Variants in SLC12A7 observed in about 807,000 individuals in gnomAD.
SLC12A7 encodes solute carrier family 12 member 7, also known as K-Cl cotransporter 4.
Under a neutral mutation model 120.6 loss-of-function variants are expected in SLC12A7, and 100 were observed. The ratio of observed to expected loss-of-function variants is 0.83; its 90% CI spans 0.71 to 0.98. The LOEUF (loss-of-function observed/expected upper bound fraction) is 0.98. Ranked by LOEUF, SLC12A7 falls within the 50% of genes least tolerant of loss-of-function variation. SLC12A7 has a pLI of 0.00. For missense variants in SLC12A7, 1,373 were observed against 1,548.1 expected, an observed-to-expected ratio of 0.89 and a Z score of 1.90; for synonymous variants, 760 against 678.0, an observed-to-expected ratio of 1.12 and a Z score of -1.88.
Position 1,094,067 on chromosome 5 carries a change from C to G in SLC12A7, c.219+87G>C, listed in dbSNP as rs56227068. 6.4e-3 allele frequency: 6,647 copies of G among 1,041,444 alleles called. 136 individuals are homozygous for G. Among genetic ancestry groups the G allele is most frequent in the South Asian group, 0.048 (3,656 of 76,058 alleles). 64.5% of individuals were successfully genotyped at this position (1,041,444 alleles called of 1,614,324 possible). On this transcript the variant is annotated intron_variant, in intron 2 of 23. Transcript: ENST00000264930. The stretch of plus-strand genomic sequence containing the variant: ...GTGGTGTCCAGTCCTGTGGGAGGCC[C>G]CGGCCTGGGGGCCCCCAGGGGCTCC...
At position 1,085,414 on chromosome 5, in the gene SLC12A7, G is replaced by A. The variant is rs200603060; in HGVS notation, c.735C>T (p.Ala245=). Residue 245 remains alanine (A), a synonymous_variant, in exon 7 of 24, where the codon GCC becomes GCT. Coordinates refer to ENST00000264930, the MANE Select transcript of SLC12A7 (RefSeq NM_006598.3). ...FQAEAAGGEA[A]AMLHNMRVYG... ...ACACACGCATGTTGTGCAGCATGGC[G>A]GCCGCCTCGCCACCTGCAGCCTCCG... The A allele has an allele frequency of 9.0e-4, 1,444 of 1,609,844 alleles. 1 individual carries two copies. The highest frequency in any genetic ancestry group is 1.0e-3 in the Non-Finnish European group (1,220 of 1,178,810).
chr5:1,074,815 GC>G, intron 15 of SLC12A7, 144 bp from the exon 16 acceptor site: 1 of 703,266 alleles, frequency 1.4e-6, no homozygotes, highest in Non-Finnish European at 2.4e-6. Context: ...AGGCCTCCAT[GC>G]CCACCCTTGC....
At chr5:1,129,919 C>A in the SLC12A7 span, among the ~76,000 whole-genome samples, 1 of 152,164 alleles carries the variant, frequency 6.6e-6, no homozygotes, top group African/African-American at 2.4e-5. Context: ...GAAGCCATCA[C>A]CTGACTCCCA....
chr5:1,133,441 G>C, the SLC12A7 span, among the ~76,000 whole-genome samples: 1 of 152,196 alleles, frequency 6.6e-6, no homozygotes, highest in Non-Finnish European at 1.5e-5. Flanking sequence ...GCTGGTCCTG[G>C]GGGAGAGGGC....
chr5:1,143,539 C>T, the SLC12A7 span, among the ~76,000 whole-genome samples: 1 of 152,236 alleles, frequency 6.6e-6, no homozygotes, highest in East Asian at 1.9e-4. Context: ...TTAAGTCCCT[C>T]CCTCAAGGTC....
intron 23 of SLC12A7, 98 bp from the exon 24 acceptor site, chr5:1,052,549 G>C (rs1042123510): frequency 2.8e-6 from 3 of 1,062,918 alleles, no homozygotes; most frequent in African/African-American, 3.1e-5. Flanking sequence ...GGTTAGCTAA[G>C]ATTTGGTTTG....
intron 1 of SLC12A7, among the ~76,000 whole-genome samples, chr5:1,095,388 T>C (rs996274263): frequency 3.3e-5 from 5 of 152,142 alleles, no homozygotes; most frequent in Admixed American, 2.0e-4. Flanking sequence ...CAAATGCACA[T>C]GCCCCAGCCA....
At chr5:1,143,217 G>A in the SLC12A7 span, among the ~76,000 whole-genome samples, 4 of 152,230 alleles carry the variant, frequency 2.6e-5, no homozygotes, top group Admixed American at 6.5e-5. Flanking sequence ...CTCCCGCAGC[G>A]CTGGTGCCAG....
upstream of SLC12A7, among the ~76,000 whole-genome samples, chr5:1,112,341 G>GCCCC (rs1431934878): frequency 3.7e-5 from 1 of 26,956 alleles, no homozygotes; most frequent in African/African-American, 1.1e-4. Flanking sequence ...CGCCCTCCCC[G>GCCCC]CCCTCCCCGG....
Position 1,087,001 on chromosome 5 carries a change from G to C in SLC12A7, c.577C>G (p.Leu193Val), listed in dbSNP as rs1405937915. ...GGSYYMISRS[L>V]GPEFGGAVGL... ...ACAGCGCCTCCAAACTCGGGTCCCAGCGAGCGCGATATCATGTAGTAGGAC... is the reference window on the plus strand; with the variant it reads ...ACAGCGCCTCCAAACTCGGGTCCCACCGAGCGCGATATCATGTAGTAGGAC... Residue 193 changes from leucine (L) to valine (V), a missense_variant, in exon 6 of 24, where the codon CTG becomes GTG. Coordinates refer to ENST00000264930, the MANE Select transcript of SLC12A7 (RefSeq NM_006598.3). The C allele has an allele frequency of 6.2e-7, 1 of 1,612,790 alleles. No homozygotes were observed. The highest frequency in any genetic ancestry group is 1.1e-5 in the South Asian group (1 of 91,064).
At chr5:1,113,251 G>A (rs1743173998), upstream of SLC12A7, among the ~76,000 whole-genome samples, 3 of 152,246 alleles carry the variant, frequency 2.0e-5, no homozygotes, top group Admixed American at 2.0e-4. Context: ...CACGGCCACA[G>A]CCTCTTGTCA....
intron 21 of SLC12A7, among the ~76,000 whole-genome samples, 166 bp from the exon 22 acceptor site, chr5:1,057,815 C>T (rs1457427176): frequency 6.6e-6 from 1 of 152,176 alleles, no homozygotes; most frequent in Non-Finnish European, 1.5e-5. Flanking sequence ...TGCGCCGCCC[C>T]CGTGACTGCC....
At chr5:1,056,424 C>G (rs1225603046) in intron 22 of SLC12A7, among the ~76,000 whole-genome samples, 2 of 152,158 alleles carry the variant, frequency 1.3e-5, no homozygotes, top group African/African-American at 4.8e-5. Context: ...CGCAGCAGCT[C>G]TGGGTGAGCT....
intron 20 of SLC12A7, among the ~76,000 whole-genome samples, chr5:1,063,522 T>C (rs1300658751): frequency 6.6e-6 from 1 of 152,122 alleles, no homozygotes; most frequent in African/African-American, 2.4e-5. Flanking sequence ...GGCTCTGTGC[T>C]TTCTGTGATG....
chr5:1,084,330 C>T (rs923235732), intron 7 of SLC12A7, among the ~76,000 whole-genome samples: 2 of 152,186 alleles, frequency 1.3e-5, no homozygotes, highest in Non-Finnish European at 2.9e-5. Context: ...CGCGCGGTGC[C>T]GAGTAGTGAG....
intron 1 of SLC12A7, among the ~76,000 whole-genome samples, chr5:1,097,658 G>T (rs527362410): frequency 1.3e-5 from 2 of 152,144 alleles, no homozygotes; most frequent in Non-Finnish European, 2.9e-5. Context: ...TAACACAGAC[G>T]ATGAGTCCAG....
At chr5:1,088,705 T>TAC (rs1409525200) in intron 4 of SLC12A7, among the ~76,000 whole-genome samples, 24 of 152,194 alleles carry the variant, frequency 1.6e-4, no homozygotes, top group African/African-American at 4.8e-4. Flanking sequence ...GAGATGCCTG[T>TAC]CCGCAGACAC....
intron 9 of SLC12A7, among the ~76,000 whole-genome samples, 192 bp downstream of exon 9, chr5:1,081,385 T>A (rs958466147): frequency 6.6e-6 from 1 of 151,786 alleles, no homozygotes; most frequent in Admixed American, 6.6e-5. Flanking sequence ...TAGCCGGGCG[T>A]GGTACTGGGT....
At chr5:1,082,715 C>T (rs1380516609) in intron 8 of SLC12A7, among the ~76,000 whole-genome samples, 3 of 149,974 alleles carry the variant, frequency 2.0e-5, no homozygotes, top group African/African-American at 7.4e-5. Context: ...ATCTCGGGTT[C>T]TGGAAAGCCT....
Sources: allele counts gnomAD v4.1 joint callset (sites outside exome capture counted in the v4.1 genomes callset), GRCh38; gene constraint gnomAD v4.1.1; transcripts MANE v1.5; gene names NCBI Gene and HGNC (gene_info 2026-07-23, HGNC 2026-07-21).